MAN1A1: variants seen among roughly 807,000 people sequenced by gnomAD.
MAN1A1 encodes mannosidase alpha class 1A member 1, also known as mannosyl-oligosaccharide 1,2-alpha-mannosidase IA.
Under a neutral mutation model 70.8 loss-of-function variants are expected in MAN1A1, and 29 were observed. The ratio of observed to expected loss-of-function variants is 0.41; its 90% CI spans 0.31 to 0.56. The LOEUF is 0.56. Ranked by LOEUF, MAN1A1 falls within the 20% of genes least tolerant of loss-of-function variation. The pLI, the probability that MAN1A1 is intolerant of heterozygous loss-of-function variation, is 0.29. For synonymous variants in MAN1A1, 349 were observed against 330.1 expected, an observed-to-expected ratio of 1.06 and a Z score of -0.62; for missense variants, 747 against 841.3, an observed-to-expected ratio of 0.89 and a Z score of 1.39.
rs1772523441 is a variant in MAN1A1, at chr6:119,306,319, G to C, written c.700+577C>G. On this transcript the variant is annotated intron_variant, in intron 3 of 12. Transcript: ENST00000368468. ...AGCTTCCTTACTTCCACAATGGAAT[G>C]TTATTAATACCCACACTACCAGTCA... 2.0e-5 allele frequency among the ~76,000 whole-genome samples: 3 copies of C among 152,292 alleles called. No homozygotes were observed. In the South Asian group the frequency reaches 6.2e-4, roughly 32 times the overall value.
At chr6:119,226,872 A>G (rs1267929279) in intron 6 of MAN1A1, among the ~76,000 whole-genome samples, 4 of 151,830 alleles carry the variant, frequency 2.6e-5, no homozygotes, top group African/African-American at 4.8e-5. Flanking sequence ...GAGTTTTGCC[A>G]TGTTGCCCAG....
intron 6 of MAN1A1, among the ~76,000 whole-genome samples, chr6:119,242,371 C>T (rs1319381816): frequency 1.3e-5 from 2 of 152,042 alleles, no homozygotes; most frequent in Non-Finnish European, 1.5e-5. Flanking sequence ...AAAGCTTGAG[C>T]ACGGAGCCAC....
chr6:119,191,092 C>T (rs1010768081), intron 9 of MAN1A1, among the ~76,000 whole-genome samples: 2 of 152,050 alleles, frequency 1.3e-5, no homozygotes, highest in African/African-American at 4.8e-5. Context: ...ACGAATGAAA[C>T]CAAGATGGTA....
intron 6 of MAN1A1, among the ~76,000 whole-genome samples, chr6:119,213,312 T>C (rs956362963): frequency 1.3e-5 from 2 of 152,230 alleles, no homozygotes; most frequent in South Asian, 2.1e-4. Context: ...AACTACTTCA[T>C]TCTCATTTTC....
At chr6:119,223,448 A>G (rs62418822) in intron 6 of MAN1A1, among the ~76,000 whole-genome samples, 8,183 of 152,238 alleles carry the variant, frequency 0.054, 294 homozygotes, top group Non-Finnish European at 0.08. Context: ...TGGCACTGAA[A>G]ACTGGCACAA....
intron 5 of MAN1A1, among the ~76,000 whole-genome samples, chr6:119,260,763 A>G (rs531842890): frequency 2.6e-5 from 4 of 152,308 alleles, no homozygotes; most frequent in African/African-American, 9.6e-5. Flanking sequence ...TCAATGAAAC[A>G]ATGCCCTGCC....
intron 3 of MAN1A1, among the ~76,000 whole-genome samples, chr6:119,305,192 C>T (rs10457353): frequency 0.33 from 50,159 of 151,858 alleles, 8,735 homozygotes; most frequent in Non-Finnish European, 0.36. Flanking sequence ...AAAAAGCAAA[C>T]GTCAGGCCTA....
intron 5 of MAN1A1, among the ~76,000 whole-genome samples, chr6:119,260,215 A>G (rs1017687195): frequency 6.6e-6 from 1 of 152,204 alleles, no homozygotes; most frequent in Admixed American, 6.5e-5. Flanking sequence ...CTCTGGTAGT[A>G]TAAAAACAGG....
intron 6 of MAN1A1, among the ~76,000 whole-genome samples, chr6:119,206,802 G>A (rs906395776): frequency 3.3e-5 from 5 of 152,134 alleles, no homozygotes; most frequent in African/African-American, 1.2e-4. Context: ...ACGTCAATAA[G>A]CCTATTTAGC....
Position 119,177,612 on chromosome 6 carries a change from C to T in MAN1A1, c.*2207G>A, listed in dbSNP as rs1160587104. 2 of 151,998 alleles carry T rather than the reference C, an allele frequency of 1.3e-5. No homozygotes were observed. The highest frequency in any genetic ancestry group is 2.9e-5 in the Non-Finnish European group (2 of 67,928). 9.4% of individuals were successfully genotyped at this position (151,998 alleles called of 1,614,324 possible). ...TTGTTAAAATTAACCCAAAATATAA[C>T]TTTAATTAAATTACATCACTACAAT... On this transcript the variant is annotated 3_prime_UTR_variant, in exon 13 of 13. Transcript: ENST00000368468.
At chr6:119,218,011 T>C (rs762654468) in intron 6 of MAN1A1, among the ~76,000 whole-genome samples, 5 of 152,188 alleles carry the variant, frequency 3.3e-5, no homozygotes, top group Admixed American at 1.3e-4. Context: ...ATTAAACCAA[T>C]CCTCTATTGA....
At chr6:119,228,139 G>C (rs1774571539) in intron 6 of MAN1A1, among the ~76,000 whole-genome samples, 1 of 152,124 alleles carries the variant, frequency 6.6e-6, no homozygotes, top group Non-Finnish European at 1.5e-5. Flanking sequence ...TTGTGAAAGG[G>C]ATATGGTTCA....
intron 12 of MAN1A1, among the ~76,000 whole-genome samples, 178 bp downstream of exon 12, chr6:119,180,134 G>C (rs964539917): frequency 2.0e-5 from 3 of 152,150 alleles, no homozygotes; most frequent in Non-Finnish European, 2.9e-5. Flanking sequence ...CAGTGCTTTG[G>C]TGTTAGCAGT....
At chr6:119,312,108 T>C (rs560459439) in intron 2 of MAN1A1, among the ~76,000 whole-genome samples, 1 of 152,062 alleles carries the variant, frequency 6.6e-6, no homozygotes, top group Non-Finnish European at 1.5e-5. Context: ...GATACTCATG[T>C]CCCTGCTGTT....
rs1460851489 is a variant in MAN1A1, at chr6:119,193,797, T to A, written c.1306A>T (p.Met436Leu). The A allele has an allele frequency of 6.2e-7, 1 of 1,613,300 alleles. No homozygotes were observed. Among genetic ancestry groups the A allele is most frequent in the Admixed American group, 1.7e-5 (1 of 59,970 alleles). Residue 436 changes from methionine (M) to leucine (L), a missense_variant, in exon 9 of 13, where the codon ATG becomes TTG. Met to Leu is a conservative substitution (Grantham distance 15). This residue lies in a region of MAN1A1 where 419 missense variants were observed against 548.2 expected (regional missense o/e 0.76). Coordinates refer to ENST00000368468, the MANE Select transcript of MAN1A1 (RefSeq NM_005907.4). ...GTTACCTGAACAGCATCAAAATACA[T>A]CTTCTTAGCTTCCAGATCTGTCTTG... ...SDKTDLEAKK[M>L]YFDAVQAIET... is the part of the protein sequence containing the mutation.
chr6:119,219,671 G>C (rs9489626), intron 6 of MAN1A1, among the ~76,000 whole-genome samples: 3,465 of 149,696 alleles, frequency 0.023, 141 homozygotes, highest in African/African-American at 0.081. Flanking sequence ...AGATAGAATT[G>C]TAACACAAGT....
rs188424602 is a variant in MAN1A1 at position 119,285,471 on chromosome 6, C to T, written c.897+5212G>A. ...GAGGGGACACACATCCGAACTATATCGATTACCTGATTTTTAATTTCACTG... is the reference window on the plus strand; with the variant it reads ...GAGGGGACACACATCCGAACTATATTGATTACCTGATTTTTAATTTCACTG... On this transcript the variant is annotated intron_variant, in intron 5 of 12. Coordinates refer to ENST00000368468, the MANE Select transcript of MAN1A1 (RefSeq NM_005907.4). Among the ~76,000 whole-genome samples the T allele has an allele frequency of 1.3e-3, 192 of 152,196 alleles. 1 individual carries two copies. Among genetic ancestry groups the T allele is most frequent in the African/African-American group, 3.9e-3 (163 of 41,538 alleles).
intron 6 of MAN1A1, among the ~76,000 whole-genome samples, chr6:119,210,504 A>G (rs1774018894): frequency 6.6e-6 from 1 of 152,208 alleles, no homozygotes; most frequent in Non-Finnish European, 1.5e-5. Context: ...CAATCAACAT[A>G]CATCATTATT....
chr6:119,261,966 A>G (rs1052138031), intron 5 of MAN1A1, among the ~76,000 whole-genome samples: 1 of 152,228 alleles, frequency 6.6e-6, no homozygotes, highest in Non-Finnish European at 1.5e-5. Context: ...TGGAAAAAAC[A>G]TAGGCGGGCA....
Sources: allele counts gnomAD v4.1 joint callset (sites outside exome capture counted in the v4.1 genomes callset), GRCh38; gene constraint gnomAD v4.1.1; regional missense constraint gnomAD v4.1.1; transcripts MANE v1.5; gene names NCBI Gene and HGNC (gene_info 2026-07-23, HGNC 2026-07-21).